AIG1: variants seen among roughly 807,000 people sequenced by gnomAD.
The protein encoded by AIG1 is androgen-induced gene 1 protein.
A neutral mutation model predicts 31.4 loss-of-function variants in AIG1; 23 were observed. The ratio of observed to expected loss-of-function variants is 0.73; its 90% CI spans 0.53 to 1.04. The LOEUF is 1.04. Ranked by LOEUF, AIG1 falls within the 50% of genes least tolerant of loss-of-function variation. The pLI is 0.00. For synonymous variants in AIG1, 100 were observed against 110.5 expected (o/e 0.90, Z 0.60); for missense variants, 274 against 295.0 (o/e 0.93, Z 0.52).
chr6:143,282,991 A>G (rs548410979), intron 3 of AIG1, among the ~76,000 whole-genome samples: 15 of 152,344 alleles, frequency 9.8e-5, no homozygotes, highest in African/African-American at 2.9e-4. Context: ...AGGAAGTACT[A>G]AATAGAATTT....
At position 143,125,880 on chromosome 6, in the gene AIG1, G is replaced by C. The variant is rs1292918053; in HGVS notation, c.142-10955G>C. 2.6e-5 allele frequency among the ~76,000 whole-genome samples: 4 copies of C among 152,302 alleles called. No homozygotes were observed. In the East Asian group the frequency reaches 7.7e-4, roughly 29 times the overall value. On this transcript the variant is annotated intron_variant, in intron 1 of 5. Transcript: ENST00000357847. Reference sequence around the variant, plus strand: ...TTTTTCCTGCCCGTTTGAATGAATTGCTTGCCACTGGTGACTTATGGCCTG... The same window carrying C: ...TTTTTCCTGCCCGTTTGAATGAATTCCTTGCCACTGGTGACTTATGGCCTG...
intron 3 of AIG1, among the ~76,000 whole-genome samples, chr6:143,213,923 C>CTTATGGCT (rs1309724772): frequency 1.3e-5 from 2 of 152,128 alleles, no homozygotes; most frequent in Admixed American, 6.5e-5. Flanking sequence ...TTTGATAATT[C>CTTATGGCT]TTATGGCTCT....
chr6:143,327,407 TG>T lies in AIG1; in HGVS notation c.516-5872del. 2 of 343,086 alleles carry T rather than the reference TG, an allele frequency of 5.8e-6. No individual in the cohort carries two copies. Among genetic ancestry groups the T allele is most frequent in the African/African-American group, 2.2e-5 (1 of 45,500 alleles). The allele number at this position is 343,086 out of a possible 1,614,324, so 21.3% of individuals were successfully genotyped here. A position where few individuals can be genotyped will look rare whatever the true frequency, so the allele number is the denominator to read the frequency against. On this transcript the variant is annotated intron_variant, in intron 4 of 5. Transcript: ENST00000357847. The surrounding 1 kb of genome is among the most constrained non-coding windows in gnomAD (Gnocchi z 5.3). Reference sequence around the variant, plus strand: ...AGTGGGCTTCAAGAAGTCTGCCCCTTGGGCACTCAAAGAGATCTGGAAATTT... The same window carrying T: ...AGTGGGCTTCAAGAAGTCTGCCCCTTGGCACTCAAAGAGATCTGGAAATTT...
rs115165007 is a variant in AIG1, at chr6:143,237,613, C to T, written c.400-46497C>T. Among the ~76,000 whole-genome samples, 1,026 of 152,290 alleles carry T rather than the reference C, an allele frequency of 6.7e-3. 20 individuals carry two copies. Among genetic ancestry groups the T allele is most frequent in the African/African-American group, 0.023 (963 of 41,552 alleles). ...GAACTTCTCTCTCCCCTAGTTTCTT[C>T]ACCTATTCAGTAGATAACATGTAAG... On this transcript the variant is annotated intron_variant, in intron 3 of 5. Transcript: ENST00000357847.
chr6:143,080,371 G>T (rs1778129812), intron 1 of AIG1, among the ~76,000 whole-genome samples: 1 of 152,144 alleles, frequency 6.6e-6, no homozygotes, highest in Admixed American at 6.5e-5. Flanking sequence ...TAGTTTTACA[G>T]CTTCGATTCT....
chr6:143,192,779 T>C (rs1583469724), intron 3 of AIG1, among the ~76,000 whole-genome samples: 1 of 152,322 alleles, frequency 6.6e-6, no homozygotes, highest in East Asian at 1.9e-4. Context: ...CACAAGTAGA[T>C]GACCTATGAT....
rs1260534467 is a variant in AIG1 at position 143,211,785 on chromosome 6, C to T, written c.399+46602C>T. Among the ~76,000 whole-genome samples, 11 of 151,672 alleles carry T rather than the reference C, an allele frequency of 7.3e-5. No homozygotes were observed. In the South Asian group the frequency reaches 1.0e-3, roughly 14 times the overall value. On this transcript the variant is annotated intron_variant, in intron 3 of 5. Transcript: ENST00000357847. ...GCACACGCTTGTAAGCCCAGTTATT[C>T]GGGAGGCTGAGGCAGGGGAATTGCT...
In AIG1 at chr6:143,075,710, T is replaced by C. The variant is rs539528731; in HGVS notation, c.141+14644T>C. 4.6e-5 allele frequency among the ~76,000 whole-genome samples: 7 copies of C among 152,360 alleles called. No homozygotes were observed. The East Asian group carries it at 7.7e-4, about 17-fold the overall frequency. ...AATGGGGAAGCTTACATGATTAATATGAACCCTTTATTCTTTCCTATATAA... is the reference window on the plus strand; with the variant it reads ...AATGGGGAAGCTTACATGATTAATACGAACCCTTTATTCTTTCCTATATAA... On this transcript the variant is annotated intron_variant, in intron 1 of 5. Coordinates refer to ENST00000357847, the MANE Select transcript of AIG1 (RefSeq NM_016108.4).
At chr6:143,141,313 A>G (rs1229701113) in intron 2 of AIG1, among the ~76,000 whole-genome samples, 1 of 152,190 alleles carries the variant, frequency 6.6e-6, no homozygotes, top group African/African-American at 2.4e-5. Flanking sequence ...TTCTACATTA[A>G]TGCTTCCTCC....
chr6:143,187,730 G>A, intron 3 of AIG1: 1 of 1,535,886 alleles, frequency 6.5e-7, no homozygotes, highest in South Asian at 1.2e-5. Context: ...AATGACTAAA[G>A]GATTGACCTG....
At chr6:143,080,601 G>A (rs1166049737) in intron 1 of AIG1, among the ~76,000 whole-genome samples, 1 of 152,046 alleles carries the variant, frequency 6.6e-6, no homozygotes, top group African/African-American at 2.4e-5. Context: ...TGCAGTGAGA[G>A]TGAAAGGGGG....
Position 143,340,459 on chromosome 6 carries a change from A to ATTTTTTTTTTTTTTTTTTTTTT in AIG1, c.*793_*794insTTTTTTTTTTTTTTTTTTTTTT, listed in dbSNP as rs11391392. Among the ~76,000 whole-genome samples the ATTTTTTTTTTTTTTTTTTTTTT allele has an allele frequency of 6.6e-6, 1 of 150,832 alleles. No homozygotes were observed. Among genetic ancestry groups the ATTTTTTTTTTTTTTTTTTTTTT allele is most frequent in the Non-Finnish European group, 1.5e-5 (1 of 67,670 alleles). On this transcript the variant is annotated 3_prime_UTR_variant, in exon 6 of 6. Transcript: ENST00000357847. ...AATCTTTTTGATAACTCCAAAACAA[A>ATTTTTTTTTTTTTTTTTTTTTT]TTTTTTTTTTCTTTTTTTCCAGATG...
chr6:143,091,951 C>A (rs181687199), intron 1 of AIG1, among the ~76,000 whole-genome samples: 11 of 151,984 alleles, frequency 7.2e-5, no homozygotes, highest in Admixed American at 2.6e-4. Context: ...CTGTAAGCAA[C>A]GTCTGGTGCT....
intron 1 of AIG1, among the ~76,000 whole-genome samples, chr6:143,089,717 G>A (rs1294358065): frequency 6.6e-6 from 1 of 152,080 alleles, no homozygotes; most frequent in Non-Finnish European, 1.5e-5. Context: ...ACGTGGCAAG[G>A]GAGGAAGCAA....
chr6:143,339,471 C>G (rs1777751809), intron 5 of AIG1, 168 bp from the exon 6 acceptor site: 1 of 577,748 alleles, frequency 1.7e-6, no homozygotes, highest in East Asian at 3.4e-5. Flanking sequence ...GAAAGTTGTG[C>G]ATGGCTTTCC....
intron 3 of AIG1, among the ~76,000 whole-genome samples, chr6:143,263,689 T>C (rs1444061632): frequency 5.9e-5 from 9 of 152,234 alleles, no homozygotes; most frequent in Non-Finnish European, 7.3e-5. Context: ...TATGATAATA[T>C]AAATATGTTT....
chr6:143,143,528 A>AAATATATAT (rs1554249782), intron 2 of AIG1, among the ~76,000 whole-genome samples: 1 of 27,790 alleles, frequency 3.6e-5, no homozygotes, highest in Non-Finnish European at 7.9e-5. Context: ...AAAAAAAAAA[A>AAATATATAT]ATATATATAT....
chr6:143,295,703 G>C (rs1798377219), intron 4 of AIG1, among the ~76,000 whole-genome samples: 1 of 151,954 alleles, frequency 6.6e-6, no homozygotes, highest in Admixed American at 6.6e-5. Context: ...CTCCAGACTT[G>C]GTTCAGCTTC....
chr6:143,343,281 A>T, downstream of AIG1: 4 of 636,462 alleles, frequency 6.3e-6, no homozygotes, highest in Non-Finnish European at 1.2e-5. Flanking sequence ...ATGGTATGTT[A>T]CTTACCCTCA....
Sources: gnomAD v4.1 joint callset for allele counts (sites outside exome capture counted in the v4.1 genomes callset) on GRCh38, gnomAD v4.1.1 for gene constraint, Gnocchi (gnomAD v3.1) non-coding constraint, MANE v1.5 for transcripts, NCBI Gene and HGNC (gene_info 2026-07-23, HGNC 2026-07-21) for gene names.